Variants in KIF1B observed in about 807,000 individuals in gnomAD.
KIF1B encodes kinesin-like protein KIF1B.
KIF1B carries 76 observed loss-of-function variants against 241.9 expected under a neutral mutation model. The observed-to-expected ratio is 0.31, with a 90% confidence interval of 0.26 to 0.38. The LOEUF (loss-of-function observed/expected upper bound fraction) is 0.38, where lower values mean the gene tolerates loss of function less well. Ranked by LOEUF, KIF1B falls within the 10% of genes least tolerant of loss-of-function variation. KIF1B has a pLI of 1.00. For missense variants in KIF1B, 1,622 were observed against 2,271.4 expected, an observed-to-expected ratio of 0.71 and a Z score of 5.81; for synonymous variants, 750 against 796.7, an observed-to-expected ratio of 0.94 and a Z score of 0.99.
intron 34 of KIF1B, 80 bp from the exon 35 acceptor site, chr1:10,345,765 A>AAT (rs1652565448): frequency 2.9e-6 from 3 of 1,023,842 alleles, no homozygotes; most frequent in Non-Finnish European, 3.1e-6. Context: ...TATGTCTTTA[A>AAT]AGACTGACAT....
chr1:10,365,955 G>A lies in KIF1B; in HGVS notation c.4752+307G>A, dbSNP rs770124088. 1.3e-5 allele frequency among the ~76,000 whole-genome samples: 2 copies of A among 152,166 alleles called. No individual in the cohort carries two copies. Among genetic ancestry groups the A allele is most frequent in the Non-Finnish European group, 2.9e-5 (2 of 68,024 alleles). ...TCTACAAAAACAAAAATTAGGCCAG[G>A]CATGGTGGCTCACACCTGTAATCCC... On this transcript the variant is annotated intron_variant, in intron 43 of 48. Transcript: ENST00000676179. The surrounding 1 kb of genome is among the most constrained non-coding windows in gnomAD (Gnocchi z 4.0).
At chr1:10,212,931 T>TATATATATATAC (rs1384450222) in intron 1 of KIF1B, among the ~76,000 whole-genome samples, 1 of 86,498 alleles carries the variant, frequency 1.2e-5, no homozygotes, top group African/African-American at 5.4e-5. Flanking sequence ...TATATATATA[T>TATATATATATAC]ACACACACAC....
chr1:10,265,149 T>C (rs1412338529), intron 5 of KIF1B, among the ~76,000 whole-genome samples: 1 of 152,026 alleles, frequency 6.6e-6, no homozygotes, highest in Non-Finnish European at 1.5e-5. Context: ...GTGCTAAGAT[T>C]ACAGGCATGA....
chr1:10,310,170 C>T (rs956691894), intron 22 of KIF1B, among the ~76,000 whole-genome samples: 3 of 151,642 alleles, frequency 2.0e-5, no homozygotes, highest in Admixed American at 2.0e-4. Flanking sequence ...CATATAAATC[C>T]ATAACCTGGA....
At position 10,352,617 on chromosome 1, in the gene KIF1B, A is replaced by G. The variant is rs1652834605; in HGVS notation, c.3950-14A>G. ...AATGTGTCCGTGCTCTGTTTTTTTTATCCTTTCTTTTAGGTCGTATTCGGA... is the reference window on the plus strand; with the variant it reads ...AATGTGTCCGTGCTCTGTTTTTTTTGTCCTTTCTTTTAGGTCGTATTCGGA... On this transcript the variant is annotated splice_polypyrimidine_tract_variant and intron_variant, in intron 37 of 48. Coordinates refer to ENST00000676179, the MANE Select transcript of KIF1B (RefSeq NM_001365951.3). 6.2e-7 allele frequency: 1 copy of G among 1,602,862 alleles called. No homozygotes were observed. Among genetic ancestry groups the G allele is most frequent in the Non-Finnish European group, 8.5e-7 (1 of 1,170,244 alleles).
Position 10,261,895 on chromosome 1 carries a change from A to G in KIF1B, c.364-10A>G, listed in dbSNP as rs886044966. 1.2e-5 allele frequency: 19 copies of G among 1,586,280 alleles called. No homozygotes were observed. Among genetic ancestry groups the G allele is most frequent in the East Asian group, 2.2e-5 (1 of 44,758 alleles). On this transcript the variant is annotated splice_polypyrimidine_tract_variant and intron_variant, in intron 4 of 48. Coordinates refer to ENST00000676179, the MANE Select transcript of KIF1B (RefSeq NM_001365951.3). The stretch of plus-strand genomic sequence containing the variant: ...GTGCTCTTCATGCCTCTCTCATTCT[A>G]CTTCCCTAGTTATGTGAAGAACTTT...
rs185791033 is a variant in KIF1B at position 10,254,642 on chromosome 1, C to A, written c.107-1605C>A. On this transcript the variant is annotated intron_variant, in intron 2 of 48. Coordinates refer to ENST00000676179, the MANE Select transcript of KIF1B (RefSeq NM_001365951.3). ...TTGTAATCCCAGCACTTTGGGAGGC[C>A]GAGGCGGGTGGATCACAAGGTCAGG... Among the ~76,000 whole-genome samples the A allele has an allele frequency of 6.8e-3, 1,035 of 151,836 alleles. 9 individuals are homozygous for A. The highest frequency in any genetic ancestry group is 0.011 in the Non-Finnish European group (726 of 67,898).
At chr1:10,372,626 C>T (rs1339629613) in intron 45 of KIF1B, among the ~76,000 whole-genome samples, 10 of 134,730 alleles carry the variant, frequency 7.4e-5, no homozygotes, top group East Asian at 2.6e-4. Context: ...TGCAGTGAGC[C>T]GAGATTGCGC....
At chr1:10,257,563 G>C (rs1647868377) in intron 3 of KIF1B, among the ~76,000 whole-genome samples, 1 of 152,060 alleles carries the variant, frequency 6.6e-6, no homozygotes, top group Non-Finnish European at 1.5e-5. Context: ...GCCCTTCCTG[G>C]TACCCTTACT....
intron 16 of KIF1B, among the ~76,000 whole-genome samples, chr1:10,291,568 C>T (rs1325103804): frequency 3.9e-5 from 6 of 152,006 alleles, no homozygotes; most frequent in Middle Eastern, 3.4e-3. Context: ...ACAAATTAGC[C>T]GGGCATGGTG....
intron 17 of KIF1B, chr1:10,292,482 C>T (rs960502655): frequency 9.9e-6 from 3 of 301,852 alleles, no homozygotes; most frequent in Admixed American, 9.6e-5. Context: ...CCACAGAAGT[C>T]GTCTACCCTG....
Position 10,373,330 on chromosome 1 carries a change from G to A in KIF1B, c.4947-986G>A, listed in dbSNP as rs146729196. ...GAGTGCTGCAACCTCTGCCTCCCGGGTTCAAGTAATTCTCGTGCCTCAGCC... is the reference window on the plus strand; with the variant it reads ...GAGTGCTGCAACCTCTGCCTCCCGGATTCAAGTAATTCTCGTGCCTCAGCC... On this transcript the variant is annotated intron_variant, in intron 45 of 48. Coordinates refer to ENST00000676179, the MANE Select transcript of KIF1B (RefSeq NM_001365951.3). Among the ~76,000 whole-genome samples the A allele has an allele frequency of 6.5e-3, 936 of 145,036 alleles. 8 individuals carry two copies. The highest frequency in any genetic ancestry group is 0.041 in the Middle Eastern group (10 of 242).
At chr1:10,267,899 C>A (rs1002053157) in intron 6 of KIF1B, among the ~76,000 whole-genome samples, 6 of 152,124 alleles carry the variant, frequency 3.9e-5, no homozygotes, top group Non-Finnish European at 5.9e-5. Flanking sequence ...TTAAATGCTT[C>A]ATTGGTTTCT....
At chr1:10,230,345 A>G (rs1646964243) in intron 1 of KIF1B, among the ~76,000 whole-genome samples, 1 of 149,838 alleles carries the variant, frequency 6.7e-6, no homozygotes, top group African/African-American at 2.5e-5. Flanking sequence ...TCTTTTTTAG[A>G]TTTTTCCTTT....
rs771189888 is a variant in KIF1B at position 10,258,450 on chromosome 1, A to G, written c.184-43A>G. On this transcript the variant is annotated intron_variant, in intron 3 of 48. Transcript: ENST00000676179. ...AGCAATCAAGTAAGTATAGGAAGAA[A>G]TATTAATAAAAGGTTATTTATTTCT... is the stretch of plus-strand genomic sequence containing the variant. 67 of 1,582,440 alleles carry G rather than the reference A, an allele frequency of 4.2e-5. 3 individuals carry two copies. The South Asian group carries it at 7.3e-4, about 17-fold the overall frequency.
intron 7 of KIF1B, among the ~76,000 whole-genome samples, chr1:10,269,857 A>G (rs970487062): frequency 6.6e-6 from 1 of 152,122 alleles, no homozygotes; most frequent in African/African-American, 2.4e-5. Flanking sequence ...ATGATCAAAT[A>G]ACTTGTTTAG....
At chr1:10,319,050 G>T (rs937879989) in intron 22 of KIF1B, among the ~76,000 whole-genome samples, 1 of 151,346 alleles carries the variant, frequency 6.6e-6, no homozygotes, top group Non-Finnish European at 1.5e-5. Context: ...ATTGAAAAAC[G>T]CATGGAGTAG....
intron 1 of KIF1B, among the ~76,000 whole-genome samples, chr1:10,219,319 G>A (rs1646809731): frequency 6.6e-6 from 1 of 151,794 alleles, no homozygotes; most frequent in Admixed American, 6.6e-5. Flanking sequence ...ATTTAGCCGG[G>A]CATGGTGGTG....
At position 10,232,406 on chromosome 1, in the gene KIF1B, C is replaced by T. The variant is rs772548887; in HGVS notation, c.78C>T (p.Cys26=). The change falls in exon 2 of 49, where the codon TGC becomes TGT. Residue 26 remains cysteine (C), a synonymous_variant. Coordinates refer to ENST00000676179, the MANE Select transcript of KIF1B (RefSeq NM_001365951.3). ...GAGAGACCAGCAAGGAATCCAAATG[C>T]ATCATTCAGATGCAAGGCAACTCGA... The part of the protein sequence containing the change: ...NSRETSKESK[C]IIQMQGNSTS... The T allele has an allele frequency of 4.7e-5, 76 of 1,613,728 alleles. No individual in the cohort carries two copies. The highest frequency in any genetic ancestry group is 6.3e-5 in the Non-Finnish European group (74 of 1,179,792).
Sources: gnomAD v4.1 joint callset for allele counts (sites outside exome capture counted in the v4.1 genomes callset) on GRCh38, gnomAD v4.1.1 for gene constraint, Gnocchi (gnomAD v3.1) non-coding constraint, MANE v1.5 for transcripts, NCBI Gene and HGNC (gene_info 2026-07-23, HGNC 2026-07-21) for gene names.